The following NBPF11 variants were observed in gnomAD, a reference collection of about 807,000 sequenced individuals.
NBPF11 encodes NBPF family member NBPF11.
In NBPF11, 72 loss-of-function variants were observed where a neutral mutation model predicts 93.9. The ratio of observed to expected loss-of-function variants is 0.77; its 90% CI spans 0.63 to 0.93. The LOEUF (loss-of-function observed/expected upper bound fraction) is 0.93, where lower values mean the gene tolerates loss of function less well. Among genes scored for constraint, NBPF11 ranks in the 40% least tolerant of loss-of-function variants. The pLI is 0.00. For missense variants in NBPF11, 705 were observed against 802.2 expected (o/e 0.88, Z 1.46); for synonymous variants, 224 against 304.9 (o/e 0.73, Z 2.76).
At chr1:148,106,498 T>C (rs1202285599) in intron 20 of NBPF11, among the ~76,000 whole-genome samples, 1 of 139,646 alleles carries the variant, frequency 7.2e-6, no homozygotes, top group Non-Finnish European at 1.5e-5. Context: ...TGCCTTATTG[T>C]TCCCATCAGT....
chr1:148,106,083 A>C, intron 21 of NBPF11, 98 bp downstream of exon 21: 1 of 568,874 alleles, frequency 1.8e-6, no homozygotes, highest in Admixed American at 3.1e-5. Flanking sequence ...GGCTTGGTTG[A>C]AAAGATGTAA....
intron 10 of NBPF11, 117 bp from the exon 11 acceptor site, chr1:148,118,839 T>A: frequency 1.1e-6 from 1 of 870,212 alleles, no homozygotes; most frequent in South Asian, 1.4e-5. Flanking sequence ...AGTACCAGGG[T>A]CTAGACAGGG....
intron 4 of NBPF11, among the ~76,000 whole-genome samples, chr1:148,133,254 C>G (rs1226094325): frequency 6.6e-6 from 1 of 151,822 alleles, no homozygotes; most frequent in East Asian, 1.9e-4. Flanking sequence ...TTAACAAACA[C>G]AGTCATTATC....
Position 148,110,392 on chromosome 1 carries a change from G to T in NBPF11, c.1787C>A (p.Ala596Asp), listed in dbSNP as rs1664963936. Reference protein sequence around the residue: ...HSLEEQQVCMAVDIGRHRWDQ... With the variant: ...HSLEEQQVCMDVDIGRHRWDQ... ...GGAGTACTCACTGCCTATGTCAACAGCCATGCAGACTTGCTGTTCCTCTAA... is the reference window on the plus strand; with the variant it reads ...GGAGTACTCACTGCCTATGTCAACATCCATGCAGACTTGCTGTTCCTCTAA... The change falls in exon 16 of 24, where the codon GCT becomes GAT. Residue 596 changes from alanine (A) to aspartate (D), a missense_variant. Physicochemically the swap from Ala to Asp is moderately radical, Grantham distance 126. Coordinates refer to ENST00000682118, the MANE Select transcript of NBPF11 (RefSeq NM_001385469.3). 8.8e-6 allele frequency: 14 copies of T among 1,592,120 alleles called. 1 individual carries two copies. Among genetic ancestry groups the T allele is most frequent in the Non-Finnish European group, 6.9e-6 (8 of 1,163,536 alleles).
chr1:148,143,319 T>C, intron 2 of NBPF11, 96 bp downstream of exon 2: 1 of 616,746 alleles, frequency 1.6e-6, no homozygotes. Context: ...GGCCCTGTGA[T>C]GTTTAGGGCC....
chr1:148,140,750 C>T (rs1463498477), intron 2 of NBPF11, among the ~76,000 whole-genome samples: 4 of 151,836 alleles, frequency 2.6e-5, no homozygotes, highest in South Asian at 2.1e-4. Flanking sequence ...GGTGAACACA[C>T]CAAATGCTGT....
At chr1:148,137,155 T>C (rs1671433847) in intron 3 of NBPF11, among the ~76,000 whole-genome samples, 1 of 151,980 alleles carries the variant, frequency 6.6e-6, no homozygotes, top group Non-Finnish European at 1.5e-5. Context: ...ATGGTGAGGT[T>C]ACCGCATGAA....
chr1:148,104,090 G>C (rs1300163369), intron 23 of NBPF11, among the ~76,000 whole-genome samples, 178 bp from the exon 24 acceptor site: 9 of 146,604 alleles, frequency 6.1e-5, no homozygotes, highest in Non-Finnish European at 1.0e-4. Flanking sequence ...AGAAAACAAT[G>C]AAAGAGAAAG....
chr1:148,119,677 T>A (rs1667379899), intron 10 of NBPF11, among the ~76,000 whole-genome samples: 1 of 151,964 alleles, frequency 6.6e-6, no homozygotes, highest in African/African-American at 2.4e-5. Flanking sequence ...TATTTTTTTT[T>A]AACAGTCTTG....
At position 148,115,814 on chromosome 1, in the gene NBPF11, C is replaced by A. The variant is rs1246322775; in HGVS notation, c.1564G>T (p.Asp522Tyr). 1 of 1,582,854 alleles carries A rather than the reference C, an allele frequency of 6.3e-7. No individual in the cohort carries two copies. Among genetic ancestry groups the A allele is most frequent in the African/African-American group, 1.4e-5 (1 of 69,902 alleles). The change falls in exon 14 of 24, where the codon GAT becomes TAT. Residue 522 changes from aspartate to tyrosine, a missense_variant. Physicochemically the swap from Asp to Tyr is radical, Grantham distance 160. Transcript: ENST00000682118. Reference sequence around the variant, plus strand: ...CTACCTGGGATAATGTGTACAGCATCCTCCCATTCAACATGAGAGGATGAG... The same window carrying A: ...CTACCTGGGATAATGTGTACAGCATACTCCCATTCAACATGAGAGGATGAG... The part of the protein sequence containing the change: ...IGSSSHVEWE[D>Y]AVHIIPENES...
At chr1:148,138,474 A>G (rs1486446348) in intron 2 of NBPF11, among the ~76,000 whole-genome samples, 9 of 150,938 alleles carry the variant, frequency 6.0e-5, no homozygotes, top group Non-Finnish European at 1.2e-4. Flanking sequence ...CTTGGACAAT[A>G]CCTGGCTTTC....
intron 4 of NBPF11, among the ~76,000 whole-genome samples, chr1:148,132,458 C>T (rs1177103179): frequency 1.3e-5 from 2 of 148,324 alleles, no homozygotes; most frequent in East Asian, 3.9e-4. Context: ...TATAATATTG[C>T]TATTTTATTA....
chr1:148,135,906 T>C (rs1349348316), intron 3 of NBPF11, 93 bp from the exon 4 acceptor site: 3 of 891,494 alleles, frequency 3.4e-6, no homozygotes, highest in Admixed American at 2.0e-5. Context: ...TTCACTTGAG[T>C]GCCCTGTGTG....
In NBPF11 at chr1:148,122,755, C is replaced by T; in HGVS notation, c.540G>A (p.Glu180=). 6.2e-7 allele frequency: 1 copy of T among 1,609,686 alleles called. No individual in the cohort carries two copies. The highest frequency in any genetic ancestry group is 8.5e-7 in the Non-Finnish European group (1 of 1,177,226). ...TGGGGGCAGATGATTCCAGTACTTT[C>T]TCATCCTCCTCAACTTGAACATCTT... ...EDEDVQVEED[E]KVLESSAPRE... is the part of the protein sequence containing the mutation. The change falls in exon 8 of 24, where the codon GAG becomes GAA. Residue 180 remains glutamate (E), a synonymous_variant. Transcript: ENST00000682118.
In NBPF11 at chr1:148,106,222, CT is replaced by C; in HGVS notation, c.2261del (p.Lys754ArgfsTer23). 14 of 850,210 alleles carry C rather than the reference CT, an allele frequency of 1.6e-5. No homozygotes were observed. The highest frequency in any genetic ancestry group is 2.0e-5 in the Non-Finnish European group (10 of 489,474). The allele number at this position is 850,210 out of a possible 1,614,324, so 52.7% of individuals were successfully genotyped here. A position where few individuals can be genotyped will look rare whatever the true frequency, so the allele number is the denominator to read the frequency against. Reference protein sequence around the residue: ...GLALDVDRIKKDQEEEEDQGP... With the variant: ...GLALDVDRIKXDQEEEEDQGP... ...CTTGGTCTTCTTCCTCTTCTTGGTC[CT>C]TTTTAATTCCTGCAATACATTCAGA... On this transcript the variant is annotated frameshift_variant, in exon 21 of 24. Transcript: ENST00000682118. LOFTEE classifies it high-confidence loss of function.
At chr1:148,135,901 T>G in intron 3 of NBPF11, 88 bp from the exon 4 acceptor site, 1 of 924,434 alleles carries the variant, frequency 1.1e-6, no homozygotes, top group Non-Finnish European at 1.7e-6. Flanking sequence ...CCCTGTTCAC[T>G]TGAGTGCCCT....
chr1:148,122,400 G>T, intron 8 of NBPF11, 134 bp from the exon 9 acceptor site: 2 of 1,447,892 alleles, frequency 1.4e-6, no homozygotes, highest in Admixed American at 1.7e-5. Context: ...CCCTTTAAGA[G>T]GGAACAGGCA....
intron 4 of NBPF11, among the ~76,000 whole-genome samples, chr1:148,129,117 G>A (rs1400848674): frequency 1.4e-5 from 2 of 143,380 alleles, no homozygotes; most frequent in Non-Finnish European, 3.0e-5. Flanking sequence ...ATATATACAC[G>A]TGTATATGTA....
chr1:148,120,816 A>C, intron 9 of NBPF11, 106 bp from the exon 10 acceptor site: 1 of 893,834 alleles, frequency 1.1e-6, no homozygotes, highest in South Asian at 1.3e-5. Flanking sequence ...ACTTATTTGA[A>C]GATGTTGTTT....
Sources: allele counts gnomAD v4.1 joint callset (sites outside exome capture counted in the v4.1 genomes callset), GRCh38; gene constraint gnomAD v4.1.1; transcripts MANE v1.5; gene names NCBI Gene and HGNC (gene_info 2026-07-23, HGNC 2026-07-21).